Variants in CTNNA3 observed in about 807,000 individuals in gnomAD.
The protein encoded by CTNNA3 is catenin alpha 3.
CTNNA3 carries 76 observed loss-of-function variants against 95.7 expected under a neutral mutation model. That is an observed-to-expected ratio of 0.79 (90% CI 0.66 to 0.96). The LOEUF (loss-of-function observed/expected upper bound fraction) is 0.96. Among genes scored for constraint, CTNNA3 ranks in the 40% least tolerant of loss-of-function variants. CTNNA3 has a pLI of 0.00. For synonymous variants in CTNNA3, 431 were observed against 374.4 expected (o/e 1.15, Z -1.74); for missense variants, 1,191 against 1,089.8 (o/e 1.09, Z -1.31).
chr10:66,531,799 AC>A (rs1347397929), intron 10 of CTNNA3, among the ~76,000 whole-genome samples: 4 of 152,128 alleles, frequency 2.6e-5, no homozygotes, highest in Admixed American at 2.0e-4. Context: ...ACTATCTGAT[AC>A]CAATAACACA....
chr10:66,617,512 T>G (rs141142760), intron 10 of CTNNA3, among the ~76,000 whole-genome samples: 10,562 of 152,044 alleles, frequency 0.069, 491 homozygotes, highest in Non-Finnish European at 0.1. Flanking sequence ...ATTCAACAAC[T>G]CTTCATGCTA....
intron 7 of CTNNA3, among the ~76,000 whole-genome samples, chr10:66,799,814 C>A (rs1379229985): frequency 6.6e-6 from 1 of 151,260 alleles, no homozygotes; most frequent in East Asian, 1.9e-4. Flanking sequence ...TAAGAACATT[C>A]TAGTGCAATT....
At chr10:66,617,603 C>A (rs892499252) in intron 10 of CTNNA3, among the ~76,000 whole-genome samples, 5 of 152,102 alleles carry the variant, frequency 3.3e-5, no homozygotes, top group Non-Finnish European at 7.4e-5. Flanking sequence ...CAGCCAATAT[C>A]ATACTGAATG....
intron 12 of CTNNA3, among the ~76,000 whole-genome samples, chr10:66,293,667 CTT>C (rs11374911): frequency 7.2e-6 from 1 of 138,390 alleles, no homozygotes; most frequent in African/African-American, 2.7e-5. Context: ...TTTTTTCTTT[CTT>C]TTTTTTTTTT....
chr10:67,283,895 T>A (rs1306474621), intron 5 of CTNNA3, among the ~76,000 whole-genome samples: 1 of 152,244 alleles, frequency 6.6e-6, no homozygotes, highest in Admixed American at 6.5e-5. Context: ...ATGTCCATAC[T>A]TCATTGAATC....
At chr10:67,574,727 C>T (rs954118909) in intron 3 of CTNNA3, among the ~76,000 whole-genome samples, 2 of 151,756 alleles carry the variant, frequency 1.3e-5, no homozygotes, top group African/African-American at 2.4e-5. Flanking sequence ...ACTACAGGCA[C>T]CCACCGCCAT....
rs1030355075 is a variant in CTNNA3, at chr10:66,146,578, C to T, written c.1885-43329G>A. Among the ~76,000 whole-genome samples, 4 of 152,108 alleles carry T rather than the reference C, an allele frequency of 2.6e-5. No homozygotes were observed. The East Asian group carries it at 7.8e-4, about 30-fold the overall frequency. On this transcript the variant is annotated intron_variant, in intron 13 of 17. Coordinates refer to ENST00000433211, the MANE Select transcript of CTNNA3 (RefSeq NM_013266.4). ...TGTTTGGTTGGTTGGTTTTTTGAGC[C>T]ACAGTTTCACTCTCGTAACTCAGGC...
intron 1 of CTNNA3, among the ~76,000 whole-genome samples, chr10:67,755,819 A>AAAAAAAAAAAAAAAAG (rs1554881122): frequency 6.9e-6 from 1 of 145,230 alleles, no homozygotes; most frequent in Non-Finnish European, 1.5e-5. Context: ...AAAAAAAAAA[A>AAAAAAAAAAAAAAAAG]AAAGAAAGAA....
chr10:67,384,088 T>G (rs185207638), intron 5 of CTNNA3, among the ~76,000 whole-genome samples: 1 of 152,310 alleles, frequency 6.6e-6, no homozygotes, highest in African/African-American at 2.4e-5. Flanking sequence ...TTATCATTAC[T>G]TATATATGTA....
chr10:67,715,519 C>G (rs1355528620), intron 1 of CTNNA3, among the ~76,000 whole-genome samples: 2 of 151,968 alleles, frequency 1.3e-5, no homozygotes, highest in Non-Finnish European at 2.9e-5. Context: ...TAATTAGGAA[C>G]AGTTACAATG....
intron 5 of CTNNA3, among the ~76,000 whole-genome samples, chr10:67,489,985 C>T (rs1469423096): frequency 6.6e-6 from 1 of 152,036 alleles, no homozygotes; most frequent in Non-Finnish European, 1.5e-5. Context: ...GAAAAGAAAA[C>T]TCATCACAGG....
At chr10:67,744,752 A>G (rs531281494) in intron 1 of CTNNA3, among the ~76,000 whole-genome samples, 114 of 151,766 alleles carry the variant, frequency 7.5e-4, no homozygotes, top group African/African-American at 2.6e-3. Flanking sequence ...GCACCTACTC[A>G]TCTGACAAAG....
At chr10:66,431,335 T>C (rs1396648192) in intron 11 of CTNNA3, among the ~76,000 whole-genome samples, 1 of 152,162 alleles carries the variant, frequency 6.6e-6, no homozygotes, top group African/African-American at 2.4e-5. Context: ...GAAGACAGTG[T>C]GGCAATTCCT....
intron 11 of CTNNA3, among the ~76,000 whole-genome samples, chr10:66,498,667 G>A (rs1044194536): frequency 6.6e-6 from 1 of 152,134 alleles, no homozygotes; most frequent in Admixed American, 6.5e-5. Context: ...CTTTAGCACT[G>A]TGGGAAATGA....
chr10:67,097,426 A>G (rs10822976), intron 7 of CTNNA3, among the ~76,000 whole-genome samples: 86,234 of 151,578 alleles, frequency 0.57, 26,321 homozygotes, highest in African/African-American at 0.81. Context: ...CTCACCATAT[A>G]GGAATAGGGG....
At chr10:66,470,927 G>A (rs1023503598) in intron 11 of CTNNA3, among the ~76,000 whole-genome samples, 3 of 151,874 alleles carry the variant, frequency 2.0e-5, no homozygotes, top group African/African-American at 7.2e-5. Flanking sequence ...GAAGAAAAAA[G>A]TGAGAGAAGC....
chr10:66,334,459 C>G (rs369009117), intron 12 of CTNNA3, among the ~76,000 whole-genome samples: 1 of 151,852 alleles, frequency 6.6e-6, no homozygotes, highest in Non-Finnish European at 1.5e-5. Flanking sequence ...GTTTGCTTGT[C>G]TGTAAAGTAT....
intron 5 of CTNNA3, among the ~76,000 whole-genome samples, chr10:67,478,722 T>C (rs528472142): frequency 6.6e-5 from 10 of 151,576 alleles, no homozygotes; most frequent in Admixed American, 6.6e-4. Context: ...AATCACACAA[T>C]AGAAACTACA....
intron 5 of CTNNA3, among the ~76,000 whole-genome samples, chr10:67,403,717 G>T (rs183797714): frequency 1.3e-5 from 2 of 152,180 alleles, no homozygotes; most frequent in Non-Finnish European, 2.9e-5. Context: ...ACGCAGGAAG[G>T]CTGCTTCTTT....
Sources: allele counts gnomAD v4.1 joint callset (sites outside exome capture counted in the v4.1 genomes callset), GRCh38; gene constraint gnomAD v4.1.1; transcripts MANE v1.5; gene names NCBI Gene and HGNC (gene_info 2026-07-23, HGNC 2026-07-21).